Variants in DOCK2 observed in about 807,000 individuals in gnomAD.
DOCK2 encodes dedicator of cytokinesis protein 2.
DOCK2 carries 87 observed loss-of-function variants against 248.9 expected under a neutral mutation model. That is an observed-to-expected ratio of 0.35 (90% CI 0.29 to 0.42). The LOEUF (loss-of-function observed/expected upper bound fraction) is 0.42, where lower values mean the gene tolerates loss of function less well. DOCK2 is among the 10% of genes least tolerant of loss of function. DOCK2 has a pLI of 1.00. For synonymous variants in DOCK2, 805 were observed against 821.6 expected (o/e 0.98, Z 0.35); for missense variants, 1,747 against 2,300.2 (o/e 0.76, Z 4.92).
intron 2 of DOCK2, among the ~76,000 whole-genome samples, chr5:169,664,836 A>C (rs1758634362): frequency 6.6e-6 from 1 of 152,172 alleles, no homozygotes; most frequent in Admixed American, 6.5e-5. Flanking sequence ...AAATCATATC[A>C]ACCAGTGATA....
At chr5:169,670,722 A>T in intron 4 of DOCK2, 125 bp downstream of exon 4, 1 of 1,157,554 alleles carries the variant, frequency 8.6e-7, no homozygotes, top group Non-Finnish European at 1.2e-6. Context: ...GTGCCTGTGT[A>T]TATTTGTGGG....
chr5:169,647,426 C>G (rs555035039), intron 1 of DOCK2, among the ~76,000 whole-genome samples: 1 of 151,996 alleles, frequency 6.6e-6, no homozygotes, highest in African/African-American at 2.4e-5. Flanking sequence ...TTTCTGGTGG[C>G]CTTATAGGAT....
chr5:169,967,252 A>T (rs1318939094), intron 27 of DOCK2, among the ~76,000 whole-genome samples: 2 of 152,244 alleles, frequency 1.3e-5, no homozygotes, highest in Admixed American at 6.5e-5. Flanking sequence ...TGGTGGAGAG[A>T]ATCCCAGAAG....
chr5:169,926,694 T>C (rs917767154), intron 27 of DOCK2, among the ~76,000 whole-genome samples: 2 of 152,182 alleles, frequency 1.3e-5, no homozygotes, highest in Non-Finnish European at 2.9e-5. Flanking sequence ...TCAAAGATTA[T>C]TTAAAGAAAA....
intron 26 of DOCK2, among the ~76,000 whole-genome samples, chr5:169,804,541 A>G (rs1767229040): frequency 6.6e-6 from 1 of 151,074 alleles, no homozygotes; most frequent in East Asian, 2.0e-4. Flanking sequence ...AAAGGAGGTG[A>G]AGCTTCAGCT....
intron 9 of DOCK2, 78 bp from the exon 10 acceptor site, chr5:169,695,725 C>T (rs1212592961): frequency 1.6e-5 from 25 of 1,584,720 alleles, no homozygotes; most frequent in African/African-American, 2.7e-5. Context: ...TCAGAAATTA[C>T]TATTACTGGG....
At chr5:169,992,742 C>T (rs984126749) in intron 29 of DOCK2, among the ~76,000 whole-genome samples, 14 of 151,942 alleles carry the variant, frequency 9.2e-5, no homozygotes, top group African/African-American at 2.9e-4. Flanking sequence ...GGATTATAGG[C>T]GTGAGCCACC....
At chr5:169,868,879 C>T (rs1771765104) in intron 27 of DOCK2, among the ~76,000 whole-genome samples, 1 of 152,138 alleles carries the variant, frequency 6.6e-6, no homozygotes, top group Non-Finnish European at 1.5e-5. Flanking sequence ...CAACTTGAAG[C>T]CCAGCCCAAC....
At chr5:170,080,626 A>T (rs908247398) in intron 50 of DOCK2, 4 of 264,214 alleles carry the variant, frequency 1.5e-5, no homozygotes, top group African/African-American at 8.6e-5. Flanking sequence ...GTATGTCCCT[A>T]AGACCTGTGG....
chr5:169,889,604 C>T (rs561744376), intron 27 of DOCK2, among the ~76,000 whole-genome samples: 1 of 152,322 alleles, frequency 6.6e-6, no homozygotes, highest in South Asian at 2.1e-4. Flanking sequence ...GGGGTTCAGA[C>T]TATCCTTTAC....
chr5:169,681,702 T>C (rs747877360), intron 6 of DOCK2, 42 bp from the exon 7 acceptor site: 1 of 1,604,422 alleles, frequency 6.2e-7, no homozygotes, highest in Non-Finnish European at 8.5e-7. Context: ...TGACCTAAAG[T>C]TCTCCCCTGA....
intron 27 of DOCK2, among the ~76,000 whole-genome samples, chr5:169,903,825 C>A (rs1023539437): frequency 1.3e-5 from 2 of 151,714 alleles, no homozygotes; most frequent in East Asian, 3.9e-4. Context: ...AGAAACTGGG[C>A]GGAGTGGCTC....
intron 25 of DOCK2, among the ~76,000 whole-genome samples, chr5:169,770,938 G>A (rs922976377): frequency 1.4e-4 from 21 of 152,158 alleles, no homozygotes; most frequent in Non-Finnish European, 3.1e-4. Context: ...GTCTCTTGTT[G>A]TAAATGTTCA....
intron 1 of DOCK2, among the ~76,000 whole-genome samples, chr5:169,640,189 T>A (rs955297782): frequency 1.3e-5 from 2 of 152,264 alleles, no homozygotes; most frequent in Non-Finnish European, 2.9e-5. Context: ...GAGACACTGA[T>A]GACTGGGACT....
intron 27 of DOCK2, among the ~76,000 whole-genome samples, chr5:169,955,754 G>A (rs1776840765): frequency 6.6e-6 from 1 of 152,148 alleles, no homozygotes; most frequent in South Asian, 2.1e-4. Context: ...TCTGTGTAAT[G>A]GGCACTAAGA....
At chr5:169,659,866 C>T (rs1051866593) in intron 2 of DOCK2, among the ~76,000 whole-genome samples, 4 of 152,178 alleles carry the variant, frequency 2.6e-5, no homozygotes, top group Non-Finnish European at 5.9e-5. Context: ...TATTTCCCCC[C>T]AGTCACTTCC....
intron 9 of DOCK2, among the ~76,000 whole-genome samples, chr5:169,691,468 C>T (rs373575561): frequency 1.8e-4 from 27 of 152,258 alleles, no homozygotes; most frequent in African/African-American, 6.3e-4. Context: ...TAAGCACTGG[C>T]CATACAGCAG....
intron 19 of DOCK2, 77 bp downstream of exon 19, chr5:169,714,534 C>G: frequency 2.6e-6 from 4 of 1,515,634 alleles, no homozygotes; most frequent in Non-Finnish European, 3.6e-6. Context: ...AGGGGAAAAA[C>G]AAGGTATTGA....
At position 169,999,616 on chromosome 5, in the gene DOCK2, A is replaced by G. The variant is rs140989319; in HGVS notation, c.3072+3452A>G. On this transcript the variant is annotated intron_variant, in intron 30 of 51. Transcript: ENST00000520908. ...GTGGCCAACATTACAAAATAAAGTAAGTCTCTTTTCCTAATGAGGCTTCCA... is the reference window on the plus strand; with the variant it reads ...GTGGCCAACATTACAAAATAAAGTAGGTCTCTTTTCCTAATGAGGCTTCCA... 2.4e-3 allele frequency among the ~76,000 whole-genome samples: 367 copies of G among 152,252 alleles called. 2 individuals are homozygous for G. The highest frequency in any genetic ancestry group is 8.6e-3 in the African/African-American group (359 of 41,518).
Sources: allele counts gnomAD v4.1 joint callset (sites outside exome capture counted in the v4.1 genomes callset), GRCh38; gene constraint gnomAD v4.1.1; transcripts MANE v1.5; gene names NCBI Gene and HGNC (gene_info 2026-07-23, HGNC 2026-07-21).